ST6GALNAC5: variants seen among roughly 807,000 people sequenced by gnomAD.
ST6GALNAC5 encodes the protein ST6 N-acetylgalactosaminide alpha-2,6-sialyltransferase 5, also known as alpha-N-acetylgalactosaminide alpha-2,6-sialyltransferase 5.
ST6GALNAC5 carries 27 observed loss-of-function variants against 33.6 expected under a neutral mutation model. That is an observed-to-expected ratio of 0.80 (90% CI 0.59 to 1.11). The LOEUF (loss-of-function observed/expected upper bound fraction) is 1.11. Among genes scored for constraint, ST6GALNAC5 ranks in the 50% least tolerant of loss-of-function variants. ST6GALNAC5 has a pLI of 0.00. For missense variants in ST6GALNAC5, 428 were observed against 454.0 expected, an observed-to-expected ratio of 0.94 and a Z score of 0.52; for synonymous variants, 194 against 171.2, an observed-to-expected ratio of 1.13 and a Z score of -1.04.
intron 2 of ST6GALNAC5, among the ~76,000 whole-genome samples, chr1:77,023,921 G>A (rs973897096): frequency 1.3e-5 from 2 of 152,136 alleles, no homozygotes; most frequent in African/African-American, 4.8e-5. Context: ...AGCCCGCATG[G>A]GTTTGCTTCA....
intron 2 of ST6GALNAC5, among the ~76,000 whole-genome samples, chr1:76,907,995 G>A (rs571573535): frequency 8.0e-4 from 122 of 152,218 alleles, no homozygotes; most frequent in African/African-American, 2.8e-3. Flanking sequence ...CTCTGGAAGG[G>A]TTTATTTCCT....
chr1:77,023,974 A>G (rs1170920751), intron 2 of ST6GALNAC5, among the ~76,000 whole-genome samples: 1 of 152,136 alleles, frequency 6.6e-6, no homozygotes, highest in African/African-American at 2.4e-5. Context: ...TCTACTGGAG[A>G]ATATACACAT....
intron 2 of ST6GALNAC5, among the ~76,000 whole-genome samples, chr1:76,881,489 TCC>T (rs1653778247): frequency 6.6e-6 from 1 of 152,182 alleles, no homozygotes; most frequent in African/African-American, 2.4e-5. Flanking sequence ...CAATACTTAT[TCC>T]ACTTTATTGT....
intron 2 of ST6GALNAC5, among the ~76,000 whole-genome samples, chr1:76,956,810 G>C (rs1648013907): frequency 6.6e-6 from 1 of 152,106 alleles, no homozygotes; most frequent in South Asian, 2.1e-4. Context: ...ACAATCTTTA[G>C]CATAGATTTG....
chr1:76,926,808 A>T (rs1464258519), intron 2 of ST6GALNAC5, among the ~76,000 whole-genome samples: 1 of 152,194 alleles, frequency 6.6e-6, no homozygotes, highest in Non-Finnish European at 1.5e-5. Flanking sequence ...TGGATTCTCC[A>T]TACCTTTATC....
intron 2 of ST6GALNAC5, among the ~76,000 whole-genome samples, chr1:76,938,758 G>T (rs1647256521): frequency 6.6e-6 from 1 of 152,094 alleles, no homozygotes; most frequent in South Asian, 2.1e-4. Flanking sequence ...GGAACAACTA[G>T]GAATTTTTGC....
intron 2 of ST6GALNAC5, among the ~76,000 whole-genome samples, chr1:76,884,716 G>A (rs893768420): frequency 6.6e-6 from 1 of 152,180 alleles, no homozygotes; most frequent in Admixed American, 6.5e-5. Context: ...AGAAAGGCAA[G>A]AAAGGGTGGT....
chr1:76,953,153 A>T lies in ST6GALNAC5; in HGVS notation c.261+84411A>T, dbSNP rs535764636. On this transcript the variant is annotated intron_variant, in intron 2 of 4. Coordinates refer to ENST00000477717, the MANE Select transcript of ST6GALNAC5 (RefSeq NM_030965.3). The stretch of plus-strand genomic sequence containing the variant: ...ATAGAGCTGCCATAGACATTTGTGT[A>T]TTTTGTATATAGATTTTATGCGAAT... Among the ~76,000 whole-genome samples the T allele has an allele frequency of 3.3e-5, 5 of 152,172 alleles. No homozygotes were observed. In the East Asian group the frequency reaches 9.7e-4, roughly 29 times the overall value.
intron 2 of ST6GALNAC5, among the ~76,000 whole-genome samples, chr1:77,033,868 A>G (rs756035166): frequency 6.6e-6 from 1 of 152,080 alleles, no homozygotes; most frequent in Non-Finnish European, 1.5e-5. Context: ...CAGGTAATTA[A>G]CTCAGTTTTA....
chr1:76,899,507 A>G (rs534422812), intron 2 of ST6GALNAC5, among the ~76,000 whole-genome samples: 1 of 152,282 alleles, frequency 6.6e-6, no homozygotes, highest in East Asian at 1.9e-4. Context: ...CCCCTCCCCC[A>G]GAAAAGCGGG....
intron 2 of ST6GALNAC5, among the ~76,000 whole-genome samples, chr1:76,977,463 C>T (rs929679040): frequency 2.6e-5 from 4 of 152,164 alleles, no homozygotes; most frequent in African/African-American, 9.7e-5. Context: ...CTCTCCCCGT[C>T]GTGCTATCCC....
chr1:77,020,835 G>A (rs1333029555), intron 2 of ST6GALNAC5, among the ~76,000 whole-genome samples: 2 of 152,172 alleles, frequency 1.3e-5, no homozygotes, highest in African/African-American at 2.4e-5. Context: ...TAAAGGCTCC[G>A]TTACACCTCT....
At chr1:76,927,297 T>C (rs1647095414) in intron 2 of ST6GALNAC5, among the ~76,000 whole-genome samples, 1 of 152,108 alleles carries the variant, frequency 6.6e-6, no homozygotes, top group Non-Finnish European at 1.5e-5. Flanking sequence ...ATTTTAGGAA[T>C]GTACCATTAT....
chr1:76,933,906 C>T (rs1399915685), intron 2 of ST6GALNAC5, among the ~76,000 whole-genome samples: 3 of 151,990 alleles, frequency 2.0e-5, no homozygotes, highest in African/African-American at 7.2e-5. Flanking sequence ...GGACTCTCTC[C>T]TGCCACTCCC....
chr1:76,998,609 C>G (rs6673583), intron 2 of ST6GALNAC5, among the ~76,000 whole-genome samples: 28,598 of 152,076 alleles, frequency 0.19, 3,163 homozygotes, highest in African/African-American at 0.3. Context: ...GTTTCCTTTA[C>G]ATGCCACTCA....
intron 2 of ST6GALNAC5, among the ~76,000 whole-genome samples, chr1:76,980,215 T>C (rs928591451): frequency 6.6e-6 from 1 of 152,172 alleles, no homozygotes; most frequent in Non-Finnish European, 1.5e-5. Flanking sequence ...CATACTGTGG[T>C]ATTTTTATGA....
At chr1:76,948,271 G>A (rs1647601033) in intron 2 of ST6GALNAC5, among the ~76,000 whole-genome samples, 1 of 152,224 alleles carries the variant, frequency 6.6e-6, no homozygotes, top group South Asian at 2.1e-4. Flanking sequence ...TTGGGGAGTG[G>A]GTGGCCCACA....
intron 2 of ST6GALNAC5, among the ~76,000 whole-genome samples, chr1:76,976,382 T>A (rs1025610558): frequency 5.3e-5 from 8 of 152,184 alleles, no homozygotes; most frequent in Non-Finnish European, 8.8e-5. Flanking sequence ...ATGTCTATAG[T>A]TTTCTCCTGT....
intron 2 of ST6GALNAC5, among the ~76,000 whole-genome samples, chr1:76,897,591 G>A (rs1646761308): frequency 1.3e-5 from 2 of 152,088 alleles, no homozygotes; most frequent in Non-Finnish European, 2.9e-5. Context: ...CAAGGAGGGA[G>A]TAGAGGTATC....
Sources: allele counts gnomAD v4.1 joint callset (sites outside exome capture counted in the v4.1 genomes callset), GRCh38; gene constraint gnomAD v4.1.1; transcripts MANE v1.5; gene names NCBI Gene and HGNC (gene_info 2026-07-23, HGNC 2026-07-21).